The following UGGT1 variants were observed in gnomAD, a reference collection of about 807,000 sequenced individuals.
The protein encoded by UGGT1 is UDP-glucose glycoprotein glucosyltransferase 1, also known as UDP-glucose:glycoprotein glucosyltransferase 1.
A neutral mutation model predicts 203.9 loss-of-function variants in UGGT1; 107 were observed. The observed-to-expected ratio is 0.52, with a 90% CI of 0.45 to 0.62. The LOEUF (loss-of-function observed/expected upper bound fraction) is 0.62, where lower values mean the gene tolerates loss of function less well. Ranked by LOEUF, UGGT1 falls within the 20% of genes least tolerant of loss-of-function variation. The pLI is 0.00. For synonymous variants in UGGT1, 628 were observed against 653.5 expected, an observed-to-expected ratio of 0.96 and a Z score of 0.59; for missense variants, 1,673 against 1,867.2, an observed-to-expected ratio of 0.90 and a Z score of 1.92.
chr2:128,091,701 A>C (rs1293950907), intron 1 of UGGT1: 1 of 862,446 alleles, frequency 1.2e-6, no homozygotes, highest in African/African-American at 1.8e-5. Flanking sequence ...TGGGGGAGGT[A>C]TCCTACCATG....
At chr2:128,162,811 T>A (rs1233008296) in intron 25 of UGGT1, among the ~76,000 whole-genome samples, 3 of 152,212 alleles carry the variant, frequency 2.0e-5, no homozygotes, top group Non-Finnish European at 4.4e-5. Context: ...ACTGCCAGAC[T>A]GTGCCTAGAA....
chr2:128,121,225 A>T lies in UGGT1; in HGVS notation c.1000A>T (p.Ile334Phe). Residue 334 changes from isoleucine to phenylalanine, a missense_variant, in exon 10 of 41, where the codon ATC (isoleucine) becomes TTC (phenylalanine). Ile to Phe is a conservative substitution (Grantham distance 21). This residue lies in a region of UGGT1 where 1,073 missense variants were observed against 1,078.7 expected (regional missense o/e 0.99). Coordinates refer to ENST00000259253, the MANE Select transcript of UGGT1 (RefSeq NM_020120.4). ...TCTCAGTTTCCAGACTGCTGCTCGA[A>T]TCTTGGCTTCTCCTGTTGAGTTGGC... Reference protein sequence around the residue: ...QDLSFQTAARILASPVELALV... With the variant: ...QDLSFQTAARFLASPVELALV... The T allele has an allele frequency of 6.2e-7, 1 of 1,614,002 alleles. No individual in the cohort carries two copies. The highest frequency in any genetic ancestry group is 8.5e-7 in the Non-Finnish European group (1 of 1,179,974).
Position 128,112,454 on chromosome 2 carries a change from T to TTATATATATATATATATGTA in UGGT1, c.522-613_522-612insGTATATATATATATATATAT, listed in dbSNP as rs1553433491. On this transcript the variant is annotated intron_variant, in intron 5 of 40. Transcript: ENST00000259253. Reference sequence around the variant, plus strand: ...AAAAAACCCCCCAAAAAATACTATGTTATATATATATATATATATTACATA... The same window carrying TTATATATATATATATATGTA: ...AAAAAACCCCCCAAAAAATACTATGTTATATATATATATATATGTATATATATATATATATATATTACATA... Among the ~76,000 whole-genome samples, 178 of 55,802 alleles carry TTATATATATATATATATGTA rather than the reference T, an allele frequency of 3.2e-3. 37 individuals carry two copies. The highest frequency in any genetic ancestry group is 8.8e-3 in the Admixed American group (35 of 3,978). The allele number at this position is 55,802 out of a possible 152,430, so 36.6% of individuals were successfully genotyped here.
chr2:128,117,605 A>G (rs1688171636), intron 8 of UGGT1, among the ~76,000 whole-genome samples: 1 of 141,544 alleles, frequency 7.1e-6, no homozygotes, highest in Admixed American at 7.6e-5. Context: ...GTGCAGTGCC[A>G]CGATCTTGGC....
At chr2:128,123,277 T>C (rs1233036691) in intron 11 of UGGT1, 31 bp downstream of exon 11, 3 of 1,581,534 alleles carry the variant, frequency 1.9e-6, no homozygotes, top group Non-Finnish European at 1.7e-6. Context: ...CTGACCTGTT[T>C]TGTATTCTAT....
intron 18 of UGGT1, chr2:128,151,406 A>G (rs1462162212): frequency 2.7e-6 from 1 of 371,712 alleles, no homozygotes; most frequent in Non-Finnish European, 5.1e-6. Context: ...CCCTCCTTGA[A>G]CTCGATGGGC....
At chr2:128,135,165 G>C (rs1689075805) in intron 15 of UGGT1, among the ~76,000 whole-genome samples, 1 of 152,192 alleles carries the variant, frequency 6.6e-6, no homozygotes, top group African/African-American at 2.4e-5. Context: ...TACCACCAAT[G>C]AATTATCAAT....
intron 8 of UGGT1, among the ~76,000 whole-genome samples, chr2:128,117,244 C>T (rs1688149351): frequency 6.6e-6 from 1 of 152,002 alleles, no homozygotes; most frequent in Admixed American, 6.6e-5. Flanking sequence ...CACCCATCAC[C>T]ATGCCTGGCT....
chr2:128,180,756 G>A, intron 35 of UGGT1, 134 bp from the exon 36 acceptor site: 1 of 858,610 alleles, frequency 1.2e-6, no homozygotes, highest in East Asian at 2.7e-5. Context: ...GTGGGTCACG[G>A]CCGGTCTTTG....
intron 26 of UGGT1, among the ~76,000 whole-genome samples, chr2:128,168,211 A>G (rs1558813531): frequency 6.6e-6 from 1 of 152,190 alleles, no homozygotes; most frequent in Admixed American, 6.5e-5. Flanking sequence ...TGCTTCTCAC[A>G]AATGCCCAGG....
intron 11 of UGGT1, 52 bp from the exon 12 acceptor site, chr2:128,127,309 T>G: frequency 7.4e-7 from 1 of 1,354,220 alleles, no homozygotes; most frequent in Non-Finnish European, 1.0e-6. Flanking sequence ...ACAATAAAAT[T>G]TTTTTTAAAA....
intron 7 of UGGT1, among the ~76,000 whole-genome samples, chr2:128,115,483 T>TAAAAAAAA (rs55952659): frequency 1.6e-5 from 2 of 121,756 alleles, no homozygotes; most frequent in Non-Finnish European, 3.4e-5. Context: ...TTTCATGTAC[T>TAAAAAAAA]AAAAAAAAAA....
intron 36 of UGGT1, among the ~76,000 whole-genome samples, chr2:128,181,730 C>T (rs895889624): frequency 2.0e-5 from 3 of 152,206 alleles, no homozygotes; most frequent in South Asian, 2.1e-4. Flanking sequence ...AACATAGCCA[C>T]ATTTAATCCT....
At chr2:128,133,383 A>G (rs1389950106) in intron 14 of UGGT1, 123 bp downstream of exon 14, 21 of 1,300,758 alleles carry the variant, frequency 1.6e-5, no homozygotes, top group African/African-American at 2.9e-5. Context: ...CCCTTCACCA[A>G]ATACTCTTCC....
intron 37 of UGGT1, among the ~76,000 whole-genome samples, chr2:128,183,213 C>T (rs1691797602): frequency 1.3e-5 from 2 of 152,168 alleles, no homozygotes; most frequent in South Asian, 4.1e-4. Context: ...GGAAGAGGAA[C>T]GTGTAGGAAG....
intron 29 of UGGT1, 113 bp from the exon 30 acceptor site, chr2:128,173,668 G>T: frequency 8.3e-7 from 1 of 1,207,350 alleles, no homozygotes; most frequent in South Asian, 1.6e-5. Flanking sequence ...CTTAAAATAT[G>T]ATCATATATT....
intron 18 of UGGT1, among the ~76,000 whole-genome samples, chr2:128,150,416 A>C (rs1172314380): frequency 6.6e-6 from 1 of 152,250 alleles, no homozygotes; most frequent in African/African-American, 2.4e-5. Context: ...GCAACAGGGC[A>C]TGACCTTGTT....
chr2:128,125,860 A>G (rs1688573282), intron 11 of UGGT1, among the ~76,000 whole-genome samples: 1 of 152,034 alleles, frequency 6.6e-6, no homozygotes, highest in African/African-American at 2.4e-5. Context: ...CCCACTAAGG[A>G]AGACAAAATT....
chr2:128,122,913 A>G (rs1688448554), intron 10 of UGGT1, among the ~76,000 whole-genome samples: 1 of 152,206 alleles, frequency 6.6e-6, no homozygotes, highest in South Asian at 2.1e-4. Context: ...GAGATCATAT[A>G]TAGAAATGGG....
Sources: allele counts gnomAD v4.1 joint callset (sites outside exome capture counted in the v4.1 genomes callset), GRCh38; gene constraint gnomAD v4.1.1; regional missense constraint gnomAD v4.1.1; transcripts MANE v1.5; gene names NCBI Gene and HGNC (gene_info 2026-07-23, HGNC 2026-07-21).